Variants in TMEM150C observed in about 807,000 individuals in gnomAD.
TMEM150C encodes transmembrane protein 150C.
In TMEM150C, 10 loss-of-function variants were observed where a neutral mutation model predicts 29.9. The ratio of observed to expected loss-of-function variants is 0.33; its 90% CI spans 0.21 to 0.57. TMEM150C has a LOEUF of 0.57. Ranked by LOEUF, TMEM150C falls within the 20% of genes least tolerant of loss-of-function variation. The pLI is 0.88. For missense variants in TMEM150C, 251 were observed against 303.6 expected (o/e 0.83, Z 1.29); for synonymous variants, 101 against 112.5 (o/e 0.90, Z 0.64).
intron 1 of TMEM150C, among the ~76,000 whole-genome samples, chr4:82,526,313 C>T (rs986858251): frequency 4.6e-5 from 7 of 152,206 alleles, no homozygotes; most frequent in Non-Finnish European, 7.3e-5. Flanking sequence ...ACAAGTAGAA[C>T]ACATTTCTTC....
intron 1 of TMEM150C, among the ~76,000 whole-genome samples, chr4:82,537,176 G>A (rs1379163004): frequency 6.6e-6 from 1 of 152,014 alleles, no homozygotes; most frequent in Non-Finnish European, 1.5e-5. Context: ...TAGTAGAGAT[G>A]GGGTTTCACT....
chr4:82,540,562 GTTC>G (rs1291446649), intron 1 of TMEM150C, among the ~76,000 whole-genome samples: 1 of 151,946 alleles, frequency 6.6e-6, no homozygotes, highest in Non-Finnish European at 1.5e-5. Flanking sequence ...TCCTGGCTAA[GTTC>G]TTCTAGGGAA....
At chr4:82,510,579 G>T (rs1724091705) in intron 1 of TMEM150C, among the ~76,000 whole-genome samples, 2 of 152,146 alleles carry the variant, frequency 1.3e-5, no homozygotes, top group African/African-American at 4.8e-5. Flanking sequence ...TACCTTACAG[G>T]GTTTTACTGA....
chr4:82,542,658 G>A (rs1323146601), intron 1 of TMEM150C, among the ~76,000 whole-genome samples: 1 of 152,170 alleles, frequency 6.6e-6, no homozygotes, highest in East Asian at 1.9e-4. Flanking sequence ...ATGCATGGGA[G>A]TTCTCAGACT....
intron 1 of TMEM150C, among the ~76,000 whole-genome samples, chr4:82,505,627 T>G (rs1037205958): frequency 2.0e-5 from 3 of 152,224 alleles, no homozygotes; most frequent in African/African-American, 7.2e-5. Context: ...TCTGAACTTT[T>G]CTCATGACAT....
intron 1 of TMEM150C, among the ~76,000 whole-genome samples, chr4:82,531,925 A>G (rs545899811): frequency 7.9e-5 from 12 of 152,276 alleles, no homozygotes; most frequent in African/African-American, 2.2e-4. Context: ...TGGATTTAGC[A>G]ATTCAGAGGT....
intron 6 of TMEM150C, chr4:82,491,416 G>T: frequency 1.5e-6 from 1 of 660,438 alleles, no homozygotes. Flanking sequence ...GTTAATTGCA[G>T]CCGCTTATAG....
At chr4:82,534,047 C>T (rs1724932137) in intron 1 of TMEM150C, among the ~76,000 whole-genome samples, 1 of 152,132 alleles carries the variant, frequency 6.6e-6, no homozygotes, top group South Asian at 2.1e-4. Context: ...AGAACAAAGT[C>T]TCTCACAGTT....
chr4:82,555,056 T>G (rs1375563008), intron 1 of TMEM150C, among the ~76,000 whole-genome samples: 2 of 152,232 alleles, frequency 1.3e-5, no homozygotes, highest in African/African-American at 2.4e-5. Flanking sequence ...GTGATCCGAT[T>G]ACATTAAGTT....
chr4:82,544,049 C>G (rs114740057), intron 1 of TMEM150C, among the ~76,000 whole-genome samples: 5 of 152,274 alleles, frequency 3.3e-5, no homozygotes, highest in Admixed American at 3.3e-4. Flanking sequence ...ACCACTATTA[C>G]GAACGATCGG....
intron 1 of TMEM150C, among the ~76,000 whole-genome samples, chr4:82,527,857 A>G (rs919752350): frequency 6.6e-6 from 1 of 152,210 alleles, no homozygotes; most frequent in Admixed American, 6.5e-5. Flanking sequence ...CTTGAATCCA[A>G]TGAAAACATT....
At chr4:82,535,805 T>A (rs1048305048) in intron 1 of TMEM150C, among the ~76,000 whole-genome samples, 1 of 152,210 alleles carries the variant, frequency 6.6e-6, no homozygotes, top group African/African-American at 2.4e-5. Flanking sequence ...ATTTTTAAAA[T>A]AGGGTTTCTC....
chr4:82,518,142 T>G (rs574730922), intron 1 of TMEM150C, among the ~76,000 whole-genome samples: 1 of 151,748 alleles, frequency 6.6e-6, no homozygotes, highest in African/African-American at 2.4e-5. Context: ...ATGGTGAAAC[T>G]CCATCTCTAC....
chr4:82,534,471 T>C (rs1408338695), intron 1 of TMEM150C, among the ~76,000 whole-genome samples: 2 of 152,178 alleles, frequency 1.3e-5, no homozygotes, highest in Non-Finnish European at 2.9e-5. Context: ...ATTTACAATG[T>C]GCAAGATGTA....
intron 1 of TMEM150C, among the ~76,000 whole-genome samples, chr4:82,530,849 G>A (rs1237800336): frequency 1.3e-5 from 2 of 152,306 alleles, no homozygotes; most frequent in African/African-American, 4.8e-5. Context: ...GAAGGCGAAG[G>A]GGAAGCAAGC....
At chr4:82,506,993 C>T (rs753768444) in intron 1 of TMEM150C, among the ~76,000 whole-genome samples, 1 of 152,086 alleles carries the variant, frequency 6.6e-6, no homozygotes, top group Non-Finnish European at 1.5e-5. Context: ...TGGGTCGTTA[C>T]TTAAATCTGT....
At chr4:82,506,573 G>A (rs970191473) in intron 1 of TMEM150C, among the ~76,000 whole-genome samples, 7 of 152,124 alleles carry the variant, frequency 4.6e-5, no homozygotes, top group African/African-American at 7.2e-5. Flanking sequence ...ATCAGGTGGC[G>A]GAAATACTGA....
At chr4:82,544,921 C>T (rs893262648) in intron 1 of TMEM150C, among the ~76,000 whole-genome samples, 2 of 151,880 alleles carry the variant, frequency 1.3e-5, no homozygotes, top group Non-Finnish European at 2.9e-5. Context: ...AAAAATCTAC[C>T]AATGAAAAAA....
At chr4:82,512,419 T>C (rs775033930) in intron 1 of TMEM150C, among the ~76,000 whole-genome samples, 2 of 152,216 alleles carry the variant, frequency 1.3e-5, no homozygotes, top group Non-Finnish European at 2.9e-5. Flanking sequence ...ATTGCTTTAT[T>C]ACTGTAGGGT....
Sources: gnomAD v4.1 joint callset for allele counts (sites outside exome capture counted in the v4.1 genomes callset) on GRCh38, gnomAD v4.1.1 for gene constraint, MANE v1.5 for transcripts, NCBI Gene and HGNC (gene_info 2026-07-23, HGNC 2026-07-21) for gene names.